The following MAST4 variants were observed in gnomAD, a reference collection of about 807,000 sequenced individuals.
The protein encoded by MAST4 is microtubule associated serine/threonine kinase family member 4, also known as microtubule-associated serine/threonine-protein kinase 4.
A neutral mutation model predicts 162.7 loss-of-function variants in MAST4; 89 were observed. That is an observed-to-expected ratio of 0.55 (90% CI 0.46 to 0.65). The LOEUF (loss-of-function observed/expected upper bound fraction) is 0.65, where lower values mean the gene tolerates loss of function less well. MAST4 is among the 30% of genes least tolerant of loss of function. The pLI is 0.00. For missense variants in MAST4, 3,153 were observed against 3,374.0 expected (o/e 0.93, Z 1.62); for synonymous variants, 1,479 against 1,361.1 (o/e 1.09, Z -1.91).
At chr5:67,144,457 TACACACAC>T (rs57996757) in intron 21 of MAST4, among the ~76,000 whole-genome samples, 85,772 of 149,850 alleles carry the variant, frequency 0.57, 26,568 homozygotes, top group Non-Finnish European at 0.69. Context: ...CGTATATATG[TACACACAC>T]ACACACACAC....
chr5:67,114,160 A>G lies in MAST4; in HGVS notation c.1532A>G (p.Lys511Arg). The G allele has an allele frequency of 1.2e-6, 2 of 1,612,672 alleles. No homozygotes were observed. The highest frequency in any genetic ancestry group is 1.7e-6 in the Non-Finnish European group (2 of 1,179,492). The change falls in exon 12 of 29, where the codon AAA becomes AGA. Residue 511 changes from lysine to arginine, a missense_variant. Lys to Arg is a conservative substitution (Grantham distance 26). Transcript: ENST00000403625. The part of the protein sequence containing the change: ...EGHAKEGQGI[K>R]TDIPRYIISQ... ...CATGCCAAAGAAGGACAGGGTATTA[A>G]AACCGACATTCCCAGGTACATCATT...
chr5:67,078,923 T>TA (rs1554093904), intron 5 of MAST4, among the ~76,000 whole-genome samples: 3,070 of 81,722 alleles, frequency 0.038, 162 homozygotes, highest in Non-Finnish European at 0.052. Flanking sequence ...TATATATATA[T>TA]ATATATATAT....
intron 4 of MAST4, among the ~76,000 whole-genome samples, chr5:66,902,220 C>A (rs986995102): frequency 3.3e-5 from 5 of 152,096 alleles, no homozygotes; most frequent in Non-Finnish European, 5.9e-5. Context: ...TTCTTATTGT[C>A]TTTGGTTATA....
At chr5:66,607,997 A>G (rs953378469) in intron 1 of MAST4, among the ~76,000 whole-genome samples, 8 of 152,038 alleles carry the variant, frequency 5.3e-5, no homozygotes, top group African/African-American at 1.9e-4. Flanking sequence ...TGATATGTAT[A>G]TATTTTGAAA....
intron 16 of MAST4, 139 bp downstream of exon 16, chr5:67,132,090 A>G (rs1043903023): frequency 1.2e-5 from 12 of 962,310 alleles, no homozygotes; most frequent in South Asian, 1.9e-5. Flanking sequence ...AACAGTATAT[A>G]TGGTAATTTG....
rs527392064 is a variant in MAST4 at position 66,952,692 on chromosome 5, GA to G, written c.674+52711del. Among the ~76,000 whole-genome samples, 123 of 152,236 alleles carry G rather than the reference GA, an allele frequency of 8.1e-4. 2 individuals carry two copies. The highest frequency in any genetic ancestry group is 2.3e-3 in the African/African-American group (94 of 41,550). On this transcript the variant is annotated intron_variant, in intron 4 of 28. Coordinates refer to ENST00000403625, the MANE Select transcript of MAST4 (RefSeq NM_001164664.2). ...ACTTCATCACACACACGGCCTTTCT[GA>G]TGTGCATTGAATGAGCCTGCCTTGT...
chr5:66,647,201 G>A (rs1327156846), intron 1 of MAST4, among the ~76,000 whole-genome samples: 1 of 152,052 alleles, frequency 6.6e-6, no homozygotes, highest in African/African-American at 2.4e-5. Flanking sequence ...TCTAAAGTTT[G>A]GCTCCAGGAT....
intron 1 of MAST4, among the ~76,000 whole-genome samples, chr5:66,711,616 C>A (rs1351468940): frequency 6.6e-6 from 1 of 152,134 alleles, no homozygotes. Context: ...AGGTGGATCA[C>A]TTGAGGTCAG....
rs1002902443 is a variant in MAST4 at position 66,917,076 on chromosome 5, C to G, written c.674+17094C>G. ...TTTACCCAAAAGAATAGAAAATCACCTTCACCCATAAGAATGCCCATTTTC... is the reference window on the plus strand; with the variant it reads ...TTTACCCAAAAGAATAGAAAATCACGTTCACCCATAAGAATGCCCATTTTC... On this transcript the variant is annotated intron_variant, in intron 4 of 28. Transcript: ENST00000403625. 3 of 716,410 alleles carry G rather than the reference C, an allele frequency of 4.2e-6. No homozygotes were observed. In the African/African-American group the frequency reaches 5.2e-5, roughly 13 times the overall value. 44.4% of individuals were successfully genotyped at this position (716,410 alleles called of 1,614,324 possible).
At chr5:66,728,827 T>C (rs1407418424) in intron 1 of MAST4, among the ~76,000 whole-genome samples, 2 of 152,222 alleles carry the variant, frequency 1.3e-5, no homozygotes, top group Non-Finnish European at 2.9e-5. Flanking sequence ...GATGGCTTTC[T>C]TTATACCAGT....
chr5:66,643,963 T>G (rs1195359012), intron 1 of MAST4, among the ~76,000 whole-genome samples: 1 of 151,866 alleles, frequency 6.6e-6, no homozygotes, highest in Non-Finnish European at 1.5e-5. Flanking sequence ...AGAGTTATAT[T>G]AGTCATTATT....
At chr5:66,851,612 T>C (rs1438683757) in intron 3 of MAST4, among the ~76,000 whole-genome samples, 1 of 152,082 alleles carries the variant, frequency 6.6e-6, no homozygotes, top group Non-Finnish European at 1.5e-5. Flanking sequence ...GTCACCGTTT[T>C]CTTAATGTTT....
At chr5:66,715,730 A>AG (rs1167952616) in intron 1 of MAST4, among the ~76,000 whole-genome samples, 3 of 106,026 alleles carry the variant, frequency 2.8e-5, no homozygotes, top group African/African-American at 1.6e-4. Context: ...AGGCCATGAC[A>AG]GGAAAAAAAA....
At chr5:66,959,153 T>C in intron 4 of MAST4, 1 of 771,450 alleles carries the variant, frequency 1.3e-6, no homozygotes, top group South Asian at 1.4e-5. Context: ...AGTCCAGTCC[T>C]TTAGAGAGGT....
intron 4 of MAST4, among the ~76,000 whole-genome samples, chr5:66,974,502 C>T (rs1408377364): frequency 6.6e-6 from 1 of 152,178 alleles, no homozygotes; most frequent in Non-Finnish European, 1.5e-5. Flanking sequence ...AGTTTTCCTG[C>T]CTTTGGGTTC....
At position 66,830,774 on chromosome 5, in the gene MAST4, T is replaced by C. The variant is rs967150665; in HGVS notation, c.642+41980T>C. Among the ~76,000 whole-genome samples, 6 of 152,302 alleles carry C rather than the reference T, an allele frequency of 3.9e-5. No individual in the cohort carries two copies. The South Asian group carries it at 1.0e-3, about 26-fold the overall frequency. ...CTATTTACAGAATACACACTTTATG[T>C]ATTTGTATTACCACACATGTCACTG... On this transcript the variant is annotated intron_variant, in intron 3 of 28. Coordinates refer to ENST00000403625, the MANE Select transcript of MAST4 (RefSeq NM_001164664.2).
At chr5:66,684,334 G>T (rs1238742978) in intron 1 of MAST4, among the ~76,000 whole-genome samples, 1 of 147,458 alleles carries the variant, frequency 6.8e-6, no homozygotes, top group Non-Finnish European at 1.5e-5. Context: ...GAGGGAAAAT[G>T]TAGTGCTTCT....
At chr5:66,821,781 G>GT (rs921358851) in intron 3 of MAST4, among the ~76,000 whole-genome samples, 2 of 152,116 alleles carry the variant, frequency 1.3e-5, no homozygotes, top group African/African-American at 4.8e-5. Context: ...GGAAACCTCG[G>GT]TGCCCTCCTC....
chr5:66,719,488 A>G (rs1294048950), intron 1 of MAST4, among the ~76,000 whole-genome samples: 3 of 152,246 alleles, frequency 2.0e-5, no homozygotes, highest in African/African-American at 7.2e-5. Flanking sequence ...ATTGTTTACA[A>G]AATGAGATGA....
Sources: allele counts gnomAD v4.1 joint callset (sites outside exome capture counted in the v4.1 genomes callset), GRCh38; gene constraint gnomAD v4.1.1; transcripts MANE v1.5; gene names NCBI Gene and HGNC (gene_info 2026-07-23, HGNC 2026-07-21).